The following GPM6A variants were observed in gnomAD, a reference collection of about 807,000 sequenced individuals.
GPM6A encodes the protein glycoprotein M6A, also known as neuronal membrane glycoprotein M6-a.
Under a neutral mutation model 32.1 loss-of-function variants are expected in GPM6A, and 7 were observed. The observed-to-expected ratio is 0.22, with a 90% CI of 0.12 to 0.41. GPM6A has a LOEUF of 0.41. Ranked by LOEUF, GPM6A falls within the 10% of genes least tolerant of loss-of-function variation. The pLI, the probability that GPM6A is intolerant of heterozygous loss-of-function variation, is 1.00. For missense variants in GPM6A, 235 were observed against 347.2 expected (o/e 0.68, Z 2.57); for synonymous variants, 130 against 123.4 (o/e 1.05, Z -0.35).
At chr4:175,677,423 C>G (rs973409116) in intron 2 of GPM6A, among the ~76,000 whole-genome samples, 1 of 151,800 alleles carries the variant, frequency 6.6e-6, no homozygotes, top group Non-Finnish European at 1.5e-5. Flanking sequence ...TGGCATAAGA[C>G]AAAAACCTCT....
chr4:175,673,109 C>T (rs1042850764), intron 3 of GPM6A, among the ~76,000 whole-genome samples: 1 of 151,994 alleles, frequency 6.6e-6, no homozygotes, highest in South Asian at 2.1e-4. Context: ...TACTTTCAAC[C>T]TTATTATTTT....
intron 2 of GPM6A, among the ~76,000 whole-genome samples, chr4:175,694,009 C>A (rs927783653): frequency 2.0e-5 from 3 of 152,078 alleles, no homozygotes; most frequent in Non-Finnish European, 4.4e-5. Flanking sequence ...CTGCTCTGGC[C>A]GTGTAAGATA....
intron 1 of GPM6A, among the ~76,000 whole-genome samples, chr4:175,840,534 C>A (rs572741627): frequency 1.3e-5 from 2 of 152,140 alleles, no homozygotes; most frequent in South Asian, 4.1e-4. Flanking sequence ...AAAAAAGTAG[C>A]CTTGTGGCGC....
At chr4:175,975,062 A>T (rs941468376) in intron 1 of GPM6A, among the ~76,000 whole-genome samples, 1 of 152,056 alleles carries the variant, frequency 6.6e-6, no homozygotes, top group Non-Finnish European at 1.5e-5. Flanking sequence ...GCCTTCACAC[A>T]TGCCTCTCTA....
At chr4:175,663,434 G>A (rs1742545757) in intron 3 of GPM6A, among the ~76,000 whole-genome samples, 1 of 152,120 alleles carries the variant, frequency 6.6e-6, no homozygotes, top group African/African-American at 2.4e-5. Flanking sequence ...TCAGTTAGAA[G>A]GAATAAGTTA....
intron 1 of GPM6A, among the ~76,000 whole-genome samples, chr4:175,722,814 C>T (rs920783472): frequency 1.4e-4 from 21 of 151,918 alleles, no homozygotes; most frequent in Admixed American, 7.2e-4. Context: ...GAGGCTAAGG[C>T]GGGCGAATCG....
chr4:175,884,977 G>A (rs190020548), intron 1 of GPM6A, among the ~76,000 whole-genome samples: 323 of 152,304 alleles, frequency 2.1e-3, no homozygotes, highest in African/African-American at 7.5e-3. Context: ...ACTAAGTGCT[G>A]GTGAGAATAT....
At chr4:175,884,638 T>A (rs1023425517) in intron 1 of GPM6A, among the ~76,000 whole-genome samples, 8 of 152,048 alleles carry the variant, frequency 5.3e-5, no homozygotes, top group Admixed American at 1.3e-4. Flanking sequence ...TTCAAGCAAT[T>A]CTCGTGCCTC....
chr4:175,933,937 A>T (rs1739141091), intron 1 of GPM6A, among the ~76,000 whole-genome samples: 1 of 152,250 alleles, frequency 6.6e-6, no homozygotes, highest in Admixed American at 6.5e-5. Flanking sequence ...ATACAATGGG[A>T]TACTTTTCAT....
intron 1 of GPM6A, among the ~76,000 whole-genome samples, chr4:175,926,139 A>C (rs1193787154): frequency 6.6e-6 from 1 of 152,144 alleles, no homozygotes; most frequent in Non-Finnish European, 1.5e-5. Flanking sequence ...GACGTGAGCC[A>C]CCGTGCCTGG....
intron 2 of GPM6A, among the ~76,000 whole-genome samples, chr4:175,697,681 C>T (rs781631401): frequency 2.0e-5 from 3 of 152,080 alleles, no homozygotes; most frequent in African/African-American, 4.8e-5. Flanking sequence ...ATACAAATGA[C>T]TATAAATGAG....
At chr4:175,954,698 T>C (rs2126384811) in intron 1 of GPM6A, among the ~76,000 whole-genome samples, 2 of 152,346 alleles carry the variant, frequency 1.3e-5, no homozygotes, top group Admixed American at 1.3e-4. Context: ...ACCCGTGTCT[T>C]AGCCTTTGTA....
intron 2 of GPM6A, among the ~76,000 whole-genome samples, chr4:175,690,533 T>G (rs1744238205): frequency 6.6e-6 from 1 of 152,216 alleles, no homozygotes. Context: ...CTCTAAAGAC[T>G]TGGAGAAACT....
At chr4:175,657,604 TA>T (rs1352008995) in intron 3 of GPM6A, among the ~76,000 whole-genome samples, 1 of 152,088 alleles carries the variant, frequency 6.6e-6, no homozygotes, top group Non-Finnish European at 1.5e-5. Flanking sequence ...CTAATGTCAA[TA>T]AAATAGCCAA....
chr4:175,721,906 G>A (rs1279537802), intron 1 of GPM6A, among the ~76,000 whole-genome samples: 1 of 152,120 alleles, frequency 6.6e-6, no homozygotes, highest in East Asian at 1.9e-4. Context: ...TAATGACAGA[G>A]AAAAATGTAT....
intron 1 of GPM6A, among the ~76,000 whole-genome samples, chr4:175,901,524 T>C (rs1284887365): frequency 1.3e-5 from 2 of 151,798 alleles, no homozygotes; most frequent in African/African-American, 4.8e-5. Context: ...ACACCAAAGG[T>C]TAGCTAGGAT....
chr4:175,812,264 T>C lies in GPM6A; in HGVS notation c.-37A>G. 7.3e-7 allele frequency: 1 copy of C among 1,372,644 alleles called. No individual in the cohort carries two copies. The highest frequency in any genetic ancestry group is 9.6e-7 in the Non-Finnish European group (1 of 1,044,624). The allele number at this position is 1,372,644 out of a possible 1,614,324, so 85.0% of individuals were successfully genotyped here. ...TTCAGTAGAATCTGGTACACGGAAT[T>C]AATCAAAAGCTCAATTAGATGTTGG... On this transcript the variant is annotated 5_prime_UTR_variant, in exon 1 of 7. Coordinates refer to ENST00000393658, the MANE Select transcript of GPM6A (RefSeq NM_201591.3).
intron 3 of GPM6A, among the ~76,000 whole-genome samples, chr4:175,665,749 T>A (rs544365753): frequency 6.7e-6 from 1 of 150,090 alleles, no homozygotes; most frequent in Non-Finnish European, 1.5e-5. Context: ...GCCACTGCAC[T>A]CCAGCCTGGG....
rs1334928388 is a variant in GPM6A, at chr4:175,963,696, T to TA, written c.-23+38612dup. Among the ~76,000 whole-genome samples, 13 of 152,260 alleles carry TA rather than the reference T, an allele frequency of 8.5e-5. No homozygotes were observed. The East Asian group carries it at 2.5e-3, about 29-fold the overall frequency. On this transcript the variant is annotated intron_variant, in intron 1 of 7. Transcript: ENST00000280187. ...ATCTACATAGAGAAATGAAGAGCTTTAAAAAAGGAATAAATAAGGGTAAAA... is the reference window on the plus strand; with the variant it reads ...ATCTACATAGAGAAATGAAGAGCTTTAAAAAAAGGAATAAATAAGGGTAAAA...
Sources: allele counts gnomAD v4.1 joint callset (sites outside exome capture counted in the v4.1 genomes callset), GRCh38; gene constraint gnomAD v4.1.1; transcripts MANE v1.5; gene names NCBI Gene and HGNC (gene_info 2026-07-23, HGNC 2026-07-21).